Variants in FGGY observed in about 807,000 individuals in gnomAD.
The protein encoded by FGGY is FGGY carbohydrate kinase domain-containing protein.
FGGY carries 72 observed loss-of-function variants against 71.3 expected under a neutral mutation model. The ratio of observed to expected loss-of-function variants is 1.01; its 90% CI spans 0.84 to 1.23. FGGY has a LOEUF of 1.23. FGGY is among the 50% of genes most tolerant of loss of function. FGGY has a pLI of 0.00. For synonymous variants in FGGY, 251 were observed against 250.3 expected (o/e 1.00, Z -0.02); for missense variants, 668 against 682.3 (o/e 0.98, Z 0.23).
chr1:59,354,835 T>G (rs835443), intron 4 of FGGY, among the ~76,000 whole-genome samples: 8,777 of 152,278 alleles, frequency 0.058, 792 homozygotes, highest in African/African-American at 0.2. Flanking sequence ...AAAACACAGA[T>G]GAACAGATTT....
At chr1:59,602,470 GT>G (rs576474104) in intron 8 of FGGY, among the ~76,000 whole-genome samples, 1 of 152,254 alleles carries the variant, frequency 6.6e-6, no homozygotes, top group East Asian at 1.9e-4. Flanking sequence ...ATTTCAGTGG[GT>G]TTTTTCCCCA....
intron 5 of FGGY, among the ~76,000 whole-genome samples, chr1:59,414,649 A>G (rs1315798636): frequency 1.3e-5 from 2 of 151,212 alleles, no homozygotes; most frequent in African/African-American, 2.4e-5. Context: ...GGATAGTGCA[A>G]GATGCTTGGC....
At chr1:59,685,600 A>G (rs903925630) in intron 14 of FGGY, among the ~76,000 whole-genome samples, 1 of 152,180 alleles carries the variant, frequency 6.6e-6, no homozygotes, top group Non-Finnish European at 1.5e-5. Flanking sequence ...GTAGGAGAAA[A>G]GTACTAGAAA....
At chr1:59,709,427 T>G (rs2097778056) in intron 14 of FGGY, among the ~76,000 whole-genome samples, 1 of 150,736 alleles carries the variant, frequency 6.6e-6, no homozygotes, top group Non-Finnish European at 1.5e-5. Flanking sequence ...GATTACAATT[T>G]GAGATGAGAT....
intron 15 of FGGY, among the ~76,000 whole-genome samples, chr1:59,761,534 G>A (rs1559019561): frequency 6.6e-6 from 1 of 152,126 alleles, no homozygotes; most frequent in Non-Finnish European, 1.5e-5. Context: ...CAACCAAGAG[G>A]AGTAAGGACA....
chr1:59,582,661 T>C lies in FGGY; in HGVS notation c.904-25142T>C, dbSNP rs573933903. ...TTCAGACTAGATTAGGTGGTGTATC[T>C]ATGTGCATCCATGGTACATACCTGT... is the stretch of plus-strand genomic sequence containing the variant. On this transcript the variant is annotated intron_variant, in intron 8 of 15. Transcript: ENST00000303721. Among the ~76,000 whole-genome samples the C allele has an allele frequency of 1.0e-4, 15 of 145,358 alleles. 2 individuals are homozygous for C. The South Asian group carries it at 1.6e-3, about 16-fold the overall frequency.
intron 14 of FGGY, among the ~76,000 whole-genome samples, chr1:59,686,022 A>T (rs2097541141): frequency 1.3e-5 from 2 of 152,236 alleles, no homozygotes; most frequent in Non-Finnish European, 2.9e-5. Context: ...GAACTTAGAA[A>T]TCCTTCCATG....
chr1:59,571,885 A>C (rs563318700), intron 8 of FGGY, among the ~76,000 whole-genome samples: 1 of 152,312 alleles, frequency 6.6e-6, no homozygotes, highest in African/African-American at 2.4e-5. Flanking sequence ...ATTCAAAAAG[A>C]AGCAAAAAAG....
chr1:59,637,422 C>T (rs2096971728), intron 10 of FGGY, among the ~76,000 whole-genome samples: 1 of 152,022 alleles, frequency 6.6e-6, no homozygotes, highest in Non-Finnish European at 1.5e-5. Flanking sequence ...CACCTGAGGT[C>T]AGGGGTTTGA....
intron 14 of FGGY, among the ~76,000 whole-genome samples, chr1:59,713,433 G>T (rs1227049212): frequency 6.6e-6 from 1 of 152,048 alleles, no homozygotes; most frequent in Admixed American, 6.6e-5. Context: ...TGACACACTC[G>T]TGCAGCTGGT....
At chr1:59,432,597 A>G (rs2153462103) in intron 5 of FGGY, among the ~76,000 whole-genome samples, 1 of 152,334 alleles carries the variant, frequency 6.6e-6, no homozygotes, top group African/African-American at 2.4e-5. Context: ...GTATGCAGAA[A>G]AAAGTTTTTC....
intron 7 of FGGY, among the ~76,000 whole-genome samples, chr1:59,527,399 C>T (rs747855241): frequency 7.2e-5 from 11 of 152,190 alleles, no homozygotes; most frequent in Non-Finnish European, 1.3e-4. Context: ...CAGTGTTTCA[C>T]GATCACTGTT....
chr1:59,745,851 A>G (rs1461344156), intron 14 of FGGY, among the ~76,000 whole-genome samples: 3 of 152,240 alleles, frequency 2.0e-5, no homozygotes, highest in Non-Finnish European at 4.4e-5. Flanking sequence ...AAAGTGGAGA[A>G]GGACATTTGC....
At chr1:59,427,388 A>G (rs2066572767) in intron 5 of FGGY, among the ~76,000 whole-genome samples, 1 of 152,170 alleles carries the variant, frequency 6.6e-6, no homozygotes, top group Non-Finnish European at 1.5e-5. Flanking sequence ...CTAACTGCAT[A>G]GCTGCTGCTT....
intron 4 of FGGY, among the ~76,000 whole-genome samples, chr1:59,370,391 A>G (rs2057388138): frequency 6.6e-6 from 1 of 152,206 alleles, no homozygotes; most frequent in African/African-American, 2.4e-5. Context: ...AGCCTCCAAG[A>G]AATATGGGAC....
chr1:59,698,387 A>G (rs1421052087), intron 14 of FGGY, among the ~76,000 whole-genome samples: 6 of 151,082 alleles, frequency 4.0e-5, no homozygotes, highest in Admixed American at 3.9e-4. Context: ...CCCCTTGGTC[A>G]GTACCTAGCA....
chr1:59,724,446 T>C (rs1287988213), intron 14 of FGGY, among the ~76,000 whole-genome samples: 1 of 151,576 alleles, frequency 6.6e-6, no homozygotes, highest in African/African-American at 2.4e-5. Context: ...ATTGCACTGC[T>C]GCACTCCAGC....
intron 14 of FGGY, 75 bp downstream of exon 14, chr1:59,674,208 AT>A: frequency 9.5e-7 from 1 of 1,047,322 alleles, no homozygotes; most frequent in Non-Finnish European, 1.4e-6. Flanking sequence ...AGCAGCTCGC[AT>A]TTTACAAAAT....
At chr1:59,407,934 C>A (rs1372287708) in intron 5 of FGGY, among the ~76,000 whole-genome samples, 1 of 152,194 alleles carries the variant, frequency 6.6e-6, no homozygotes, top group African/African-American at 2.4e-5. Flanking sequence ...CAAAAGGTTT[C>A]TCATCTGCTT....
Sources: allele counts gnomAD v4.1 joint callset (sites outside exome capture counted in the v4.1 genomes callset), GRCh38; gene constraint gnomAD v4.1.1; transcripts MANE v1.5; gene names NCBI Gene and HGNC (gene_info 2026-07-23, HGNC 2026-07-21).